Variants in SACS observed in about 807,000 individuals in gnomAD.
SACS encodes sacsin.
A neutral mutation model predicts 348.0 loss-of-function variants in SACS; 197 were observed. That is an observed-to-expected ratio of 0.57 (90% CI 0.50 to 0.64). SACS has a LOEUF of 0.64. Ranked by LOEUF, SACS falls within the 30% of genes least tolerant of loss-of-function variation. SACS has a pLI of 0.00. For missense variants in SACS, 4,999 were observed against 5,360.8 expected (o/e 0.93, Z 2.11); for synonymous variants, 1,985 against 1,910.6 (o/e 1.04, Z -1.02).
At chr13:23,364,148 A>T (rs985488048) in intron 6 of SACS, among the ~76,000 whole-genome samples, 4 of 152,230 alleles carry the variant, frequency 2.6e-5, no homozygotes, top group African/African-American at 7.2e-5. Context: ...TATATGAGAC[A>T]TAACAAATGC....
At chr13:23,433,013 C>T (rs893918303) in intron 1 of SACS, among the ~76,000 whole-genome samples, 3 of 152,100 alleles carry the variant, frequency 2.0e-5, no homozygotes, top group East Asian at 1.9e-4. Context: ...ATCTAATGAT[C>T]GCTTATTAGA....
At position 23,331,376 on chromosome 13, in the gene SACS, G is replaced by A. The variant is rs764098635; in HGVS notation, c.12500C>T (p.Thr4167Ile). The stretch of plus-strand genomic sequence containing the variant: ...AACATTCATTGGGTCCATAAGCAGA[G>A]TGTAATGAATTTCAGCAGGAATTGG... ...GTPIPAEIHY[T>I]LLMDPMNVFY... Residue 4167 changes from threonine (T) to isoleucine (I), a missense_variant, in exon 10 of 10, where the codon ACT becomes ATT. Coordinates refer to ENST00000382292, the MANE Select transcript of SACS (RefSeq NM_014363.6). The A allele has an allele frequency of 2.0e-5, 33 of 1,613,960 alleles. No individual in the cohort carries two copies. The highest frequency in any genetic ancestry group is 2.7e-5 in the Non-Finnish European group (32 of 1,179,976).
At chr13:23,347,765 A>C (rs960661425) in intron 9 of SACS, among the ~76,000 whole-genome samples, 2 of 152,244 alleles carry the variant, frequency 1.3e-5, no homozygotes, top group African/African-American at 4.8e-5. Flanking sequence ...AGATGAGCAG[A>C]GGTAGTGAAT....
intron 1 of SACS, chr13:23,427,472 G>C (rs1874235433): frequency 6.6e-6 from 1 of 152,254 alleles, no homozygotes; most frequent in Non-Finnish European, 1.5e-5. Context: ...ATATGGGCTT[G>C]ACCCACAGTA....
At chr13:23,370,705 G>A (rs1566089282) in intron 4 of SACS, among the ~76,000 whole-genome samples, 1 of 152,186 alleles carries the variant, frequency 6.6e-6, no homozygotes, top group African/African-American at 2.4e-5. Context: ...GCTCACGCCT[G>A]TAATCCGAAC....
In SACS at chr13:23,358,406, C is replaced by T; in HGVS notation, c.533G>A (p.Ser178Asn). ...CTTCAGAGGATCATCCTTTTTCCTG[C>T]TTCTTGCTATTTCTTGAATGCCGTG... The part of the protein sequence containing the change: ...DWHGIQEIAR[S>N]RKKDDPLKVG... The change falls in exon 7 of 10, where the codon AGC becomes AAC. Residue 178 changes from serine (S) to asparagine (N), a missense_variant. Around this residue, in one of 6 missense-constraint regions of SACS, gnomAD observed 3,156 missense variants for 3,380.1 expected, o/e 0.93. Transcript: ENST00000382292. 1 of 1,614,148 alleles carries T rather than the reference C, an allele frequency of 6.2e-7. No individual in the cohort carries two copies. The highest frequency in any genetic ancestry group is 8.5e-7 in the Non-Finnish European group (1 of 1,180,000).
chr13:23,420,922 C>T (rs965662747), intron 1 of SACS, among the ~76,000 whole-genome samples: 4 of 151,810 alleles, frequency 2.6e-5, no homozygotes, highest in African/African-American at 9.7e-5. Flanking sequence ...CCTGGGGCCT[C>T]AGTGCCCACT....
Position 23,341,257 on chromosome 13 carries a change from T to C in SACS, c.2619A>G (p.Pro873=), listed in dbSNP as rs1869187444. 1.2e-6 allele frequency: 2 copies of C among 1,613,664 alleles called. No individual in the cohort carries two copies. Among genetic ancestry groups the C allele is most frequent in the Non-Finnish European group, 1.7e-6 (2 of 1,179,682 alleles). The change falls in exon 10 of 10, where the codon CCA becomes CCG. Residue 873 remains proline (P), a synonymous_variant. Coordinates refer to ENST00000382292, the MANE Select transcript of SACS (RefSeq NM_014363.6). The part of the protein sequence containing the change: ...LIKKYIHSPL[P]SAVLQIMEKM... The stretch of plus-strand genomic sequence containing the variant: ...TCTCCATTATCTGCAAAACAGCACT[T>C]GGTAATGGTGAATGAATATATTTTT...
Position 23,338,114 on chromosome 13 carries a change from T to C in SACS, c.5762A>G (p.Tyr1921Cys). The change falls in exon 10 of 10, where the codon TAC (tyrosine) becomes TGC (cysteine). Residue 1921 changes from tyrosine to cysteine, a missense_variant. This residue lies in a region of SACS where 3,156 missense variants were observed against 3,380.1 expected (regional missense o/e 0.93). Transcript: ENST00000382292. The part of the protein sequence containing the change: ...TFMRHVIVKA[Y>C]LQVLSVLRDL... ...CCGTAAGACACTCAGTACCTGTAAG[T>C]AAGCTTTCACAATAACATGTCTCAT... 3.1e-6 allele frequency: 5 copies of C among 1,614,160 alleles called. No homozygotes were observed. Among genetic ancestry groups the C allele is most frequent in the Admixed American group, 1.7e-5 (1 of 60,018 alleles).
intron 5 of SACS, among the ~76,000 whole-genome samples, chr13:23,366,369 A>T (rs926683676): frequency 6.6e-6 from 1 of 152,216 alleles, no homozygotes; most frequent in African/African-American, 2.4e-5. Flanking sequence ...CACCCCAAAC[A>T]TGAACAGCTA....
chr13:23,407,341 G>A (rs1873270452), intron 2 of SACS, among the ~76,000 whole-genome samples: 2 of 152,210 alleles, frequency 1.3e-5, no homozygotes, highest in South Asian at 2.1e-4. Context: ...TGGGACTACA[G>A]GCGCCTGCCA....
chr13:23,399,488 G>C (rs1342815022), intron 2 of SACS, among the ~76,000 whole-genome samples: 1 of 151,996 alleles, frequency 6.6e-6, no homozygotes, highest in Admixed American at 6.6e-5. Context: ...AACATGTCTT[G>C]TACTGTAATG....
chr13:23,338,561 C>T lies in SACS; in HGVS notation c.5315G>A (p.Arg1772Lys), dbSNP rs375465586. 1.7e-5 allele frequency: 28 copies of T among 1,614,160 alleles called. No homozygotes were observed. Among genetic ancestry groups the T allele is most frequent in the Non-Finnish European group, 2.4e-5 (28 of 1,180,006 alleles). ...ITVEEFHHVF[R>K]RIADLQSPLF... ...TGGCGACTGTAAATCAGCAATCCTT[C>T]TGAACACATGGTGAAATTCTTCCAC... The change falls in exon 10 of 10, where the codon AGA becomes AAA. Residue 1772 changes from arginine to lysine, a missense_variant. By Grantham distance (26) the Arg-to-Lys change is conservative. This residue lies in a region of SACS where 3,156 missense variants were observed against 3,380.1 expected (regional missense o/e 0.93). Coordinates refer to ENST00000382292, the MANE Select transcript of SACS (RefSeq NM_014363.6).
At position 23,333,765 on chromosome 13, in the gene SACS, T is replaced by C; in HGVS notation, c.10111A>G (p.Thr3371Ala). ...ILKALHYMVQ[T>A]STFRAEKLVE... is the part of the protein sequence containing the mutation. ...AATTTTTCTGCTCTAAATGTTGAAGTTTGGACCATATAATGTAGAGCCTTC... is the reference window on the plus strand; with the variant it reads ...AATTTTTCTGCTCTAAATGTTGAAGCTTGGACCATATAATGTAGAGCCTTC... The change falls in exon 10 of 10, where the codon ACT becomes GCT. Residue 3371 changes from threonine (T) to alanine (A), a missense_variant. Around this residue, in one of 6 missense-constraint regions of SACS, gnomAD observed 734 missense variants for 694.0 expected, o/e 1.06. Coordinates refer to ENST00000382292, the MANE Select transcript of SACS (RefSeq NM_014363.6). The C allele has an allele frequency of 6.2e-7, 1 of 1,613,842 alleles. No homozygotes were observed. Among genetic ancestry groups the C allele is most frequent in the South Asian group, 1.1e-5 (1 of 91,072 alleles).
rs1415341802 is a variant in SACS, at chr13:23,332,609, C to T, written c.11267G>A (p.Cys3756Tyr). ...TTCTTCATCCAACGTCGTTATGTTG[C>T]ATATGTTTCTGCAGTTATTGATTAC... Reference protein sequence around the residue: ...DKVINNCRNICNITTLDEEMV... With the variant: ...DKVINNCRNIYNITTLDEEMV... The change falls in exon 10 of 10, where the codon TGC becomes TAC. Residue 3756 changes from cysteine to tyrosine, a missense_variant. Cys to Tyr is a radical substitution (Grantham distance 194, BLOSUM62 -2). This residue lies in a region of SACS where 831 missense variants were observed against 941.8 expected (regional missense o/e 0.88). Coordinates refer to ENST00000382292, the MANE Select transcript of SACS (RefSeq NM_014363.6). 6.2e-7 allele frequency: 1 copy of T among 1,613,604 alleles called. No homozygotes were observed. The highest frequency in any genetic ancestry group is 1.3e-5 in the African/African-American group (1 of 75,034).
chr13:23,335,667 G>A lies in SACS; in HGVS notation c.8209C>T (p.Leu2737Phe), dbSNP rs764311076. 5 of 1,613,882 alleles carry A rather than the reference G, an allele frequency of 3.1e-6. No homozygotes were observed. In the East Asian group the frequency reaches 6.7e-5, roughly 22 times the overall value. The change falls in exon 10 of 10, where the codon CTT becomes TTT. Residue 2737 changes from leucine to phenylalanine, a missense_variant. Leu to Phe is a conservative substitution (Grantham distance 22). This residue lies in a region of SACS where 3,156 missense variants were observed against 3,380.1 expected (regional missense o/e 0.93). Coordinates refer to ENST00000382292, the MANE Select transcript of SACS (RefSeq NM_014363.6). The surrounding 1 kb of genome is among the most constrained non-coding windows in gnomAD (Gnocchi z 4.7). ...TCCATGTGATTAAGAAACATTAGAA[G>A]TTCTGCCCCATCTGAGCGCAGTTTG... ...LDKLRSDGAELLMFLNHMEKI... is the reference protein window; with the variant it reads ...LDKLRSDGAEFLMFLNHMEKI...
In SACS at chr13:23,330,074, G is replaced by T; in HGVS notation, c.*62C>A. 1 of 1,431,874 alleles carries T rather than the reference G, an allele frequency of 7.0e-7. No homozygotes were observed. The allele number at this position is 1,431,874 out of a possible 1,614,324, so 88.7% of individuals were successfully genotyped here. ...CTAATTGGCAATGAAGCTTAATGAAGTACAGCAATTTATTCGTGCTACAAC... is the reference window on the plus strand; with the variant it reads ...CTAATTGGCAATGAAGCTTAATGAATTACAGCAATTTATTCGTGCTACAAC... On this transcript the variant is annotated 3_prime_UTR_variant, in exon 10 of 10. Coordinates refer to ENST00000382292, the MANE Select transcript of SACS (RefSeq NM_014363.6).
chr13:23,367,956 A>G (rs1470481238), intron 5 of SACS, among the ~76,000 whole-genome samples: 1 of 152,270 alleles, frequency 6.6e-6, no homozygotes, highest in Non-Finnish European at 1.5e-5. Flanking sequence ...AGTAAATAAA[A>G]TAATTATCCT....
rs200930332 is a variant in SACS at position 23,332,580 on chromosome 13, C to A, written c.11296G>T (p.Val3766Leu). The change falls in exon 10 of 10, where the codon GTA (valine) becomes TTA (leucine). Residue 3766 changes from valine to leucine, a missense_variant. By Grantham distance (32) the Val-to-Leu change is conservative. Transcript: ENST00000382292. Reference sequence around the variant, plus strand: ...CTTAAGACTTTTGCTCTAGTTTTTACCATTTCTTCATCCAACGTCGTTATG... The same window carrying A: ...CTTAAGACTTTTGCTCTAGTTTTTAACATTTCTTCATCCAACGTCGTTATG... ...CNITTLDEEM[V>L]KTRAKVLRSI... The A allele has an allele frequency of 1.2e-5, 19 of 1,613,612 alleles. No homozygotes were observed. The highest frequency in any genetic ancestry group is 1.7e-5 in the Admixed American group (1 of 59,964).
Sources: gnomAD v4.1 joint callset for allele counts (sites outside exome capture counted in the v4.1 genomes callset) on GRCh38, gnomAD v4.1.1 for gene constraint, gnomAD v4.1.1 regional missense constraint, Gnocchi (gnomAD v3.1) non-coding constraint, MANE v1.5 for transcripts, NCBI Gene and HGNC (gene_info 2026-07-23, HGNC 2026-07-21) for gene names.